The following RAD51B variants were observed in gnomAD, a reference collection of about 807,000 sequenced individuals.
RAD51B encodes RAD51 paralog B.
Under a neutral mutation model 42.2 loss-of-function variants are expected in RAD51B, and 38 were observed. The observed-to-expected ratio is 0.90, with a 90% CI of 0.70 to 1.18. The LOEUF (loss-of-function observed/expected upper bound fraction) is 1.18. Among genes scored for constraint, RAD51B ranks in the 50% most tolerant of loss-of-function variants. The pLI, the probability that RAD51B is intolerant of heterozygous loss-of-function variation, is 0.00. For synonymous variants in RAD51B, 154 were observed against 145.2 expected (o/e 1.06, Z -0.43); for missense variants, 373 against 400.7 (o/e 0.93, Z 0.59).
intron 10 of RAD51B, among the ~76,000 whole-genome samples, chr14:68,621,358 C>A (rs1168112478): frequency 6.6e-6 from 1 of 152,238 alleles, no homozygotes; most frequent in East Asian, 1.9e-4. Flanking sequence ...TCCACAGCCA[C>A]CTTTCTTCTC....
chr14:68,303,765 A>T (rs2081799028), intron 8 of RAD51B, among the ~76,000 whole-genome samples: 1 of 152,222 alleles, frequency 6.6e-6, no homozygotes, highest in East Asian at 1.9e-4. Context: ...TCTGAATAAC[A>T]TCAGGCGAGC....
At chr14:68,232,877 C>T (rs1314913) in intron 7 of RAD51B, among the ~76,000 whole-genome samples, 19,275 of 152,234 alleles carry the variant, frequency 0.13, 1,337 homozygotes, top group Middle Eastern at 0.32. Flanking sequence ...TGTTCTGACT[C>T]ATTCAGGCCT....
intron 10 of RAD51B, among the ~76,000 whole-genome samples, chr14:68,639,294 G>A (rs1892406281): frequency 6.6e-6 from 1 of 152,212 alleles, no homozygotes; most frequent in Non-Finnish European, 1.5e-5. Context: ...AGAATCCTGA[G>A]TGAGGGGGGC....
intron 7 of RAD51B, among the ~76,000 whole-genome samples, chr14:68,204,043 A>T (rs191969088): frequency 3.9e-4 from 59 of 152,314 alleles, no homozygotes; most frequent in Non-Finnish European, 7.1e-4. Flanking sequence ...TCATGTGTTC[A>T]TTGGAGTAGC....
intron 9 of RAD51B, among the ~76,000 whole-genome samples, chr14:68,458,279 C>A (rs931328530): frequency 4.6e-5 from 7 of 152,130 alleles, no homozygotes; most frequent in Admixed American, 4.6e-4. Context: ...ATGTTAATGG[C>A]AGAACCAGTT....
chr14:67,889,022 G>C (rs878865687), intron 7 of RAD51B, among the ~76,000 whole-genome samples: 9 of 151,986 alleles, frequency 5.9e-5, no homozygotes, highest in African/African-American at 2.2e-4. Context: ...TTTTCCTAAG[G>C]TGATTTATTT....
intron 8 of RAD51B, among the ~76,000 whole-genome samples, chr14:68,357,868 C>A (rs554538738): frequency 9.2e-5 from 14 of 152,216 alleles, no homozygotes; most frequent in Non-Finnish European, 1.0e-4. Flanking sequence ...TTTCAACATG[C>A]CTTCCTCACT....
chr14:67,874,863 T>C (rs1046754433), intron 5 of RAD51B, among the ~76,000 whole-genome samples: 4 of 152,260 alleles, frequency 2.6e-5, no homozygotes, highest in Admixed American at 1.3e-4. Flanking sequence ...ATTGTCCGTA[T>C]TAGAGACAGT....
chr14:67,943,317 C>A (rs2045271858), intron 7 of RAD51B, among the ~76,000 whole-genome samples: 2 of 151,970 alleles, frequency 1.3e-5, no homozygotes, highest in East Asian at 1.9e-4. Context: ...TTATAAGTGA[C>A]CTTTTTAAAA....
chr14:68,039,807 G>T (rs2076191001), intron 7 of RAD51B, among the ~76,000 whole-genome samples: 1 of 152,170 alleles, frequency 6.6e-6, no homozygotes, highest in Non-Finnish European at 1.5e-5. Flanking sequence ...TGCTCTAATG[G>T]TTGCTGTTAA....
intron 7 of RAD51B, among the ~76,000 whole-genome samples, chr14:68,093,904 A>G (rs1205571285): frequency 6.6e-6 from 1 of 152,170 alleles, no homozygotes; most frequent in Non-Finnish European, 1.5e-5. Flanking sequence ...ACACACCCTG[A>G]TGGTCACTAA....
intron 8 of RAD51B, among the ~76,000 whole-genome samples, chr14:68,333,720 G>A (rs1229162099): frequency 6.6e-6 from 1 of 152,160 alleles, no homozygotes; most frequent in Non-Finnish European, 1.5e-5. Context: ...CACATACATT[G>A]TAGAATGGTT....
chr14:68,310,311 G>A (rs1237606616), intron 8 of RAD51B, among the ~76,000 whole-genome samples: 1 of 152,096 alleles, frequency 6.6e-6, no homozygotes. Flanking sequence ...AAGCTCTGAG[G>A]GCTGTTTTCC....
intron 10 of RAD51B, among the ~76,000 whole-genome samples, chr14:68,583,304 C>G (rs1482342987): frequency 2.6e-5 from 4 of 152,124 alleles, no homozygotes; most frequent in Non-Finnish European, 4.4e-5. Context: ...TCTTTGGAGA[C>G]AGGGTGATCC....
chr14:68,064,536 T>G (rs974077630), intron 7 of RAD51B, among the ~76,000 whole-genome samples: 1 of 152,088 alleles, frequency 6.6e-6, no homozygotes, highest in Non-Finnish European at 1.5e-5. Context: ...ATTAAATAGT[T>G]TTTATAGGCC....
chr14:68,279,314 A>G (rs940437212), intron 7 of RAD51B, among the ~76,000 whole-genome samples: 5 of 152,366 alleles, frequency 3.3e-5, no homozygotes, highest in African/African-American at 9.6e-5. Context: ...ATGCCTTTCC[A>G]GGCCTTGATG....
intron 4 of RAD51B, among the ~76,000 whole-genome samples, chr14:67,845,978 C>T (rs545281074): frequency 6.6e-6 from 1 of 152,290 alleles, no homozygotes; most frequent in Admixed American, 6.5e-5. Context: ...GCTTTGTTCT[C>T]TGGGCCCTTC....
intron 2 of RAD51B, among the ~76,000 whole-genome samples, chr14:67,825,078 C>CAAAAAA (rs56227529): frequency 1.4e-4 from 7 of 50,544 alleles, no homozygotes; most frequent in South Asian, 1.3e-3. Flanking sequence ...ACTCTTGTCT[C>CAAAAAA]AAAAAAAAAA....
chr14:68,610,040 G>A (rs1891614400), intron 10 of RAD51B, among the ~76,000 whole-genome samples: 1 of 151,960 alleles, frequency 6.6e-6, no homozygotes, highest in South Asian at 2.1e-4. Context: ...ATGAGCCCCC[G>A]ATTTCCAGCT....
Sources: allele counts gnomAD v4.1 joint callset (sites outside exome capture counted in the v4.1 genomes callset), GRCh38; gene constraint gnomAD v4.1.1; transcripts MANE v1.5; gene names NCBI Gene and HGNC (gene_info 2026-07-23, HGNC 2026-07-21).